CRIM1: variants seen among roughly 807,000 people sequenced by gnomAD.
CRIM1 encodes the protein cysteine rich transmembrane BMP regulator 1.
In CRIM1, 32 loss-of-function variants were observed where a neutral mutation model predicts 116.4. That is an observed-to-expected ratio of 0.27 (90% CI 0.21 to 0.37). The LOEUF is 0.37. Ranked by LOEUF, CRIM1 falls within the 10% of genes least tolerant of loss-of-function variation. The pLI, the probability that CRIM1 is intolerant of heterozygous loss-of-function variation, is 1.00. For synonymous variants in CRIM1, 590 were observed against 509.2 expected (o/e 1.16, Z -2.13); for missense variants, 1,331 against 1,354.8 (o/e 0.98, Z 0.28).
intron 7 of CRIM1, among the ~76,000 whole-genome samples, chr2:36,482,754 C>CA (rs1679517599): frequency 6.6e-6 from 1 of 152,240 alleles, no homozygotes; most frequent in Non-Finnish European, 1.5e-5. Flanking sequence ...GGTACATCGT[C>CA]AGAGTATGAA....
chr2:36,400,509 A>T (rs996273546), intron 2 of CRIM1, among the ~76,000 whole-genome samples: 1 of 152,136 alleles, frequency 6.6e-6, no homozygotes, highest in Non-Finnish European at 1.5e-5. Flanking sequence ...CTAATTGCTT[A>T]TGCTTCAAGT....
In CRIM1 at chr2:36,548,520, A is replaced by C; in HGVS notation, c.2935-5A>C. 1 of 1,551,814 alleles carries C rather than the reference A, an allele frequency of 6.4e-7. No individual in the cohort carries two copies. The highest frequency in any genetic ancestry group is 8.7e-7 in the Non-Finnish European group (1 of 1,155,228). ...TGTGGTTTTATTCCTCCTCTCATTA[A>C]ATAGCCTTCTTCCTTAAATAATCAG... is the stretch of plus-strand genomic sequence containing the variant. On this transcript the variant is annotated splice_polypyrimidine_tract_variant and splice_region_variant and intron_variant, in intron 16 of 16. Transcript: ENST00000280527.
chr2:36,401,851 C>T (rs185812649), intron 2 of CRIM1, among the ~76,000 whole-genome samples: 1 of 152,166 alleles, frequency 6.6e-6, no homozygotes. Context: ...TATGAAATGC[C>T]AGATACATAC....
chr2:36,495,695 G>A (rs1680539147), intron 7 of CRIM1, among the ~76,000 whole-genome samples: 1 of 151,858 alleles, frequency 6.6e-6, no homozygotes, highest in Admixed American at 6.6e-5. Context: ...TCACTTTGGA[G>A]CTAATTATTT....
chr2:36,446,051 T>G (rs1213920426), intron 4 of CRIM1, among the ~76,000 whole-genome samples: 1 of 152,152 alleles, frequency 6.6e-6, no homozygotes, highest in East Asian at 1.9e-4. Context: ...TATTTACATT[T>G]TAGGACATAA....
chr2:36,456,863 G>A (rs531089527), intron 4 of CRIM1, among the ~76,000 whole-genome samples: 1 of 151,698 alleles, frequency 6.6e-6, no homozygotes, highest in Non-Finnish European at 1.5e-5. Context: ...CGTCAAGGTA[G>A]TAATTTGTGA....
chr2:36,529,330 G>A (rs2125146724), intron 13 of CRIM1: 2 of 342,098 alleles, frequency 5.8e-6, no homozygotes, highest in Admixed American at 3.6e-5. Flanking sequence ...CAATCTGGAA[G>A]GTCCAATGGC....
chr2:36,375,248 A>G (rs1043622349), intron 1 of CRIM1, among the ~76,000 whole-genome samples: 3 of 152,164 alleles, frequency 2.0e-5, no homozygotes, highest in African/African-American at 7.2e-5. Context: ...GGGACCTACA[A>G]AATTCGAAAA....
intron 5 of CRIM1, among the ~76,000 whole-genome samples, chr2:36,465,662 T>C (rs1331469855): frequency 6.6e-6 from 1 of 152,156 alleles, no homozygotes; most frequent in Non-Finnish European, 1.5e-5. Context: ...AAGAAACACT[T>C]GCAGTATGGC....
chr2:36,419,281 T>C (rs936086842), intron 2 of CRIM1, among the ~76,000 whole-genome samples: 9 of 152,206 alleles, frequency 5.9e-5, no homozygotes, highest in African/African-American at 2.2e-4. Flanking sequence ...ACATATACTT[T>C]TGACAGTTTC....
At chr2:36,548,441 G>GAGTT (rs755219105) in intron 16 of CRIM1, 84 bp from the exon 17 acceptor site, 56 of 989,212 alleles carry the variant, frequency 5.7e-5, no homozygotes, top group South Asian at 4.2e-4. Flanking sequence ...TATCTCACCT[G>GAGTT]AGTTAGGTAC....
At chr2:36,471,686 A>G (rs183583252) in intron 5 of CRIM1, among the ~76,000 whole-genome samples, 110 of 152,028 alleles carry the variant, frequency 7.2e-4, no homozygotes, top group Non-Finnish European at 1.5e-3. Flanking sequence ...CTTGGGCCAC[A>G]TGTAAAATAC....
intron 2 of CRIM1, among the ~76,000 whole-genome samples, chr2:36,427,200 C>CA (rs542726534): frequency 0.029 from 3,062 of 106,878 alleles, 136 homozygotes; most frequent in East Asian, 0.21. Flanking sequence ...AACTCTGTCT[C>CA]AAAAAAAAAA....
chr2:36,480,944 A>G (rs1175543864), intron 7 of CRIM1, among the ~76,000 whole-genome samples: 1 of 152,258 alleles, frequency 6.6e-6, no homozygotes, highest in African/African-American at 2.4e-5. Context: ...AGTCGGCCTT[A>G]CAGGAAAGGG....
intron 1 of CRIM1, among the ~76,000 whole-genome samples, chr2:36,396,097 A>C (rs957578540): frequency 3.9e-5 from 6 of 151,970 alleles, no homozygotes; most frequent in Non-Finnish European, 8.8e-5. Flanking sequence ...TTTTGTAGAG[A>C]CTGGGTCTCA....
chr2:36,492,375 A>G (rs922546244), intron 7 of CRIM1, among the ~76,000 whole-genome samples: 3 of 152,230 alleles, frequency 2.0e-5, no homozygotes, highest in Admixed American at 6.5e-5. Context: ...TCCAACCGTA[A>G]GAGACTTTTT....
chr2:36,543,289 ACT>A (rs962860986), intron 14 of CRIM1, among the ~76,000 whole-genome samples: 10 of 152,048 alleles, frequency 6.6e-5, no homozygotes, highest in Non-Finnish European at 1.5e-4. Flanking sequence ...CTTAGCAAGT[ACT>A]CTCTTCTCTA....
At chr2:36,388,254 A>G (rs910443789) in intron 1 of CRIM1, among the ~76,000 whole-genome samples, 1 of 152,192 alleles carries the variant, frequency 6.6e-6, no homozygotes, top group Admixed American at 6.5e-5. Flanking sequence ...TCCTCTAAGA[A>G]TGGAGATACT....
At position 36,388,556 on chromosome 2, in the gene CRIM1, A is replaced by G. The variant is rs557965125; in HGVS notation, c.332-8058A>G. Among the ~76,000 whole-genome samples the G allele has an allele frequency of 2.0e-5, 3 of 152,332 alleles. No homozygotes were observed. The East Asian group carries it at 5.8e-4, about 29-fold the overall frequency. On this transcript the variant is annotated intron_variant, in intron 1 of 16. Coordinates refer to ENST00000280527, the MANE Select transcript of CRIM1 (RefSeq NM_016441.3). ...TTTTGTAATTAAAAAATTGGAGCTT[A>G]GAGAGCTAAATGCCTTGTTTGGGGT...
Sources: gnomAD v4.1 joint callset for allele counts (sites outside exome capture counted in the v4.1 genomes callset) on GRCh38, gnomAD v4.1.1 for gene constraint, MANE v1.5 for transcripts, NCBI Gene and HGNC (gene_info 2026-07-23, HGNC 2026-07-21) for gene names.